ECE1: variants seen among roughly 807,000 people sequenced by gnomAD.
ECE1 encodes the protein endothelin converting enzyme 1, also known as endothelin-converting enzyme 1.
Under a neutral mutation model 98.6 loss-of-function variants are expected in ECE1, and 35 were observed. The observed-to-expected ratio is 0.35, with a 90% confidence interval of 0.27 to 0.47. The LOEUF (loss-of-function observed/expected upper bound fraction) is 0.47, where lower values mean the gene tolerates loss of function less well. Among genes scored for constraint, ECE1 ranks in the 20% least tolerant of loss-of-function variants. The pLI is 1.00. For missense variants in ECE1, 814 were observed against 1,025.3 expected, an observed-to-expected ratio of 0.79 and a Z score of 2.81; for synonymous variants, 394 against 407.1, an observed-to-expected ratio of 0.97 and a Z score of 0.39.
intron 15 of ECE1, 51 bp downstream of exon 15, chr1:21,227,880 G>A (rs977926690): frequency 2.7e-6 from 4 of 1,462,310 alleles, no homozygotes; most frequent in Non-Finnish European, 3.7e-6. Context: ...ATGGGCCCCA[G>A]GGCTGGGCTG....
Position 21,342,662 on chromosome 1 carries a change from C to T in ECE1, c.3+2714G>A, listed in dbSNP as rs188952164. Among the ~76,000 whole-genome samples the T allele has an allele frequency of 7.4e-3, 1,117 of 151,810 alleles. 14 individuals carry two copies. The highest frequency in any genetic ancestry group is 0.026 in the African/African-American group (1,075 of 41,314). On this transcript the variant is annotated intron_variant, in intron 1 of 18. Coordinates refer to the ECE1 transcript ENST00000415912. Reference sequence around the variant, plus strand: ...CACACACACACGCCCTGCAAACGCGCCGCATTAGGAACCCAGGGGCCAAGG... The same window carrying T: ...CACACACACACGCCCTGCAAACGCGTCGCATTAGGAACCCAGGGGCCAAGG...
At chr1:21,255,406 G>T (rs781550992) in intron 8 of ECE1, among the ~76,000 whole-genome samples, 2 of 152,230 alleles carry the variant, frequency 1.3e-5, no homozygotes, top group African/African-American at 4.8e-5. Context: ...CTTTGGCAGA[G>T]GCTGAGCCCT....
upstream of ECE1, among the ~76,000 whole-genome samples, chr1:21,292,607 A>C (rs1638230242): frequency 1.3e-5 from 2 of 152,090 alleles, no homozygotes; most frequent in Non-Finnish European, 2.9e-5. Context: ...CCACAGCTTT[A>C]CTGGGGCTGG....
chr1:21,279,421 C>G (rs1202868149), intron 2 of ECE1, 89 bp from the exon 3 acceptor site: 11 of 1,604,442 alleles, frequency 6.9e-6, no homozygotes, highest in Non-Finnish European at 9.4e-6. Context: ...CAGGCCCAGG[C>G]CCTGGAGAGG....
upstream of ECE1, among the ~76,000 whole-genome samples, chr1:21,291,564 G>A (rs1017801093): frequency 2.6e-5 from 4 of 152,098 alleles, no homozygotes; most frequent in Non-Finnish European, 4.4e-5. Flanking sequence ...GCTCGCTCGC[G>A]CCTGTAATCC....
intron 1 of ECE1, among the ~76,000 whole-genome samples, chr1:21,320,962 T>C (rs1240407015): frequency 6.6e-6 from 1 of 152,220 alleles, no homozygotes; most frequent in Non-Finnish European, 1.5e-5. Flanking sequence ...CAGAACCTCC[T>C]GGTTTGGAAA....
At chr1:21,248,893 G>C (rs2098208054) in intron 8 of ECE1, among the ~76,000 whole-genome samples, 1 of 151,916 alleles carries the variant, frequency 6.6e-6, no homozygotes, top group South Asian at 2.1e-4. Context: ...AAAGGGCTGG[G>C]ATTAACAGCA....
upstream of ECE1, among the ~76,000 whole-genome samples, chr1:21,291,258 G>T (rs1485095502): frequency 6.6e-6 from 1 of 152,344 alleles, no homozygotes; most frequent in South Asian, 2.1e-4. Flanking sequence ...ACCCCAGAGA[G>T]GTCTAACCCA....
chr1:21,264,361 C>CTGGA (rs562535136), intron 4 of ECE1, among the ~76,000 whole-genome samples: 643 of 143,128 alleles, frequency 4.5e-3, no homozygotes, highest in Non-Finnish European at 7.4e-3. Flanking sequence ...GTCGCCCAGG[C>CTGGA]TGGAGTGCAG....
chr1:21,282,564 G>C (rs984767113), intron 2 of ECE1, among the ~76,000 whole-genome samples: 1 of 150,648 alleles, frequency 6.6e-6, no homozygotes, highest in African/African-American at 2.4e-5. Flanking sequence ...CTCCAGCCTG[G>C]GTGACAGAGT....
At chr1:21,244,300 G>A (rs537012441) in intron 10 of ECE1, among the ~76,000 whole-genome samples, 2 of 152,310 alleles carry the variant, frequency 1.3e-5, no homozygotes, top group South Asian at 4.1e-4. Flanking sequence ...GCCGGTGTGG[G>A]CTCTCGGGGT....
Position 21,272,714 on chromosome 1 carries a change from T to A in ECE1, c.478A>T (p.Ile160Phe). The change falls in exon 4 of 19, where the codon ATC (isoleucine) becomes TTC (phenylalanine). Residue 160 changes from isoleucine (I) to phenylalanine (F), a missense_variant. Ile to Phe is a conservative substitution (Grantham distance 21). Transcript: ENST00000374893. ...SNLWEHNQAI[I>F]KHLLENSTAS... ...GGATGCTTACCGAGGAGGTGCTTGA[T>A]GATTGCTTGGTTGTGTTCCCAGAGG... 1 of 1,614,236 alleles carries A rather than the reference T, an allele frequency of 6.2e-7. No individual in the cohort carries two copies. Among genetic ancestry groups the A allele is most frequent in the Non-Finnish European group, 8.5e-7 (1 of 1,180,052 alleles).
At chr1:21,297,830 CTTG>C (rs1012548687) in intron 1 of ECE1, among the ~76,000 whole-genome samples, 2 of 150,782 alleles carry the variant, frequency 1.3e-5, no homozygotes, top group East Asian at 2.0e-4. Flanking sequence ...AGCCATGGCT[CTTG>C]TTGTTGTTGT....
intron 3 of ECE1, among the ~76,000 whole-genome samples, chr1:21,274,730 AG>A (rs2098244474): frequency 6.6e-6 from 1 of 152,206 alleles, no homozygotes; most frequent in South Asian, 2.1e-4. Flanking sequence ...TGGCTGACAA[AG>A]GGCTCAGAGC....
chr1:21,245,232 G>T (rs1203930708), intron 9 of ECE1, 129 bp from the exon 10 acceptor site: 3 of 764,174 alleles, frequency 3.9e-6, no homozygotes, highest in African/African-American at 1.7e-5. Context: ...GCCTGCGGGG[G>T]CTTGGTGGGT....
chr1:21,295,908 C>T (rs1037352839), intron 1 of ECE1, among the ~76,000 whole-genome samples: 7 of 152,142 alleles, frequency 4.6e-5, no homozygotes, highest in African/African-American at 1.4e-4. Flanking sequence ...TTTCTTCATC[C>T]GTAAAAGGGC....
At position 21,233,496 on chromosome 1, in the gene ECE1, T is replaced by A; in HGVS notation, c.1670+62A>T. On this transcript the variant is annotated intron_variant, in intron 14 of 18. Transcript: ENST00000374893. The surrounding 1 kb of genome is among the most constrained non-coding windows in gnomAD (Gnocchi z 4.0). Reference sequence around the variant, plus strand: ...TGAGGGTGCAATGAAGGCCAGTTCGTCCCAAGGCTTGCCCACAGGTGGGGA... The same window carrying A: ...TGAGGGTGCAATGAAGGCCAGTTCGACCCAAGGCTTGCCCACAGGTGGGGA... The A allele has an allele frequency of 6.6e-7, 1 of 1,517,902 alleles. No individual in the cohort carries two copies. The highest frequency in any genetic ancestry group is 9.1e-7 in the Non-Finnish European group (1 of 1,096,558). 94.0% of individuals were successfully genotyped at this position (1,517,902 alleles called of 1,614,324 possible). A position where few individuals can be genotyped will look rare whatever the true frequency, so the allele number is the denominator to read the frequency against.
At chr1:21,270,944 T>G (rs1278656155) in intron 4 of ECE1, among the ~76,000 whole-genome samples, 1 of 152,226 alleles carries the variant, frequency 6.6e-6, no homozygotes, top group Non-Finnish European at 1.5e-5. Flanking sequence ...CCAGCTGTGA[T>G]GTTAGGCACT....
At chr1:21,232,425 A>G (rs1239295452) in intron 14 of ECE1, among the ~76,000 whole-genome samples, 1 of 151,640 alleles carries the variant, frequency 6.6e-6, no homozygotes, top group Admixed American at 6.6e-5. Flanking sequence ...CTGCCTCCCC[A>G]GTAGCTGGGA....
Sources: gnomAD v4.1 joint callset for allele counts (sites outside exome capture counted in the v4.1 genomes callset) on GRCh38, gnomAD v4.1.1 for gene constraint, Gnocchi (gnomAD v3.1) non-coding constraint, MANE v1.5 for transcripts, NCBI Gene and HGNC (gene_info 2026-07-23, HGNC 2026-07-21) for gene names.